Variants in YJU2B observed in about 807,000 individuals in gnomAD.
The protein encoded by YJU2B is YJU2 splicing factor homolog B.
Under a neutral mutation model 38.0 loss-of-function variants are expected in YJU2B, and 18 were observed. The ratio of observed to expected loss-of-function variants is 0.47; its 90% CI spans 0.33 to 0.70. The LOEUF (loss-of-function observed/expected upper bound fraction) is 0.70. Among genes scored for constraint, YJU2B ranks in the 30% least tolerant of loss-of-function variants. YJU2B has a pLI of 0.02. For synonymous variants in YJU2B, 246 were observed against 225.4 expected, an observed-to-expected ratio of 1.09 and a Z score of -0.82; for missense variants, 538 against 556.3, an observed-to-expected ratio of 0.97 and a Z score of 0.33.
intron 2 of YJU2B, among the ~76,000 whole-genome samples, chr19:13,737,422 C>A (rs370227415): frequency 6.6e-6 from 1 of 151,702 alleles, no homozygotes; most frequent in Admixed American, 6.6e-5. Context: ...TCTTCAAGTT[C>A]CTGCTCTTCC....
At chr19:13,745,756 T>C (rs959798873), upstream of YJU2B, among the ~76,000 whole-genome samples, 11 of 146,780 alleles carry the variant, frequency 7.5e-5, no homozygotes, top group Non-Finnish European at 1.5e-4. Flanking sequence ...TATATATATA[T>C]ATCAGGAGGA....
In YJU2B at chr19:13,757,799, T is replaced by C. The variant is rs1973725106; in HGVS notation, c.210T>C (p.Asn70=). 6.2e-7 allele frequency: 1 copy of C among 1,614,042 alleles called. No homozygotes were observed. The highest frequency in any genetic ancestry group is 1.3e-5 in the African/African-American group (1 of 75,012). ...ACCCCCTTCCAGGTGTTCGTTACAA[T>C]GCAGAAAAGAAGAAGGTGGGCAATT... ...KNHIGMGVRY[N]AEKKKVGNYY... is the part of the protein sequence containing the mutation. Residue 70 remains asparagine, a synonymous_variant, in exon 6 of 10, where the codon AAT becomes AAC. Coordinates refer to ENST00000221554, the MANE Select transcript of YJU2B (RefSeq NM_030818.4).
At chr19:13,742,266 C>A (rs1293554003) in intron 2 of YJU2B, among the ~76,000 whole-genome samples, 2 of 149,922 alleles carry the variant, frequency 1.3e-5, no homozygotes, top group Non-Finnish European at 3.0e-5. Context: ...ATTTAACTCA[C>A]AACCATCTGG....
At position 13,762,999 on chromosome 19, in the gene YJU2B, C is replaced by T. The variant is rs770762598; in HGVS notation, c.1122C>T (p.Pro374=). The T allele has an allele frequency of 4.4e-6, 7 of 1,605,452 alleles. No individual in the cohort carries two copies. The highest frequency in any genetic ancestry group is 2.2e-5 in the East Asian group (1 of 44,756). ...CCTCCCAGGAGGCAGCTGACACCCC[C>T]GACACGCGGCACCCCTGCAGTCTCG... The part of the protein sequence containing the change: ...AGSSQEAADT[P]DTRHPCSLGS... The change falls in exon 10 of 10, where the codon CCC becomes CCT. Residue 374 remains proline (P), a synonymous_variant. Coordinates refer to ENST00000221554, the MANE Select transcript of YJU2B (RefSeq NM_030818.4).
chr19:13,755,626 T>G (rs1223694807), intron 3 of YJU2B, among the ~76,000 whole-genome samples: 1 of 151,786 alleles, frequency 6.6e-6, no homozygotes, highest in Non-Finnish European at 1.5e-5. Flanking sequence ...AAACGTGAGG[T>G]CACTCGCCCA....
intron 2 of YJU2B, among the ~76,000 whole-genome samples, chr19:13,752,987 G>A (rs975809935): frequency 2.6e-5 from 4 of 152,022 alleles, no homozygotes; most frequent in Non-Finnish European, 4.4e-5. Context: ...TGTGTTCAAC[G>A]GTACTACATG....
At chr19:13,759,775 C>T (rs1339135557) in intron 8 of YJU2B, 1 of 149,830 alleles carries the variant, frequency 6.7e-6, no homozygotes, top group African/African-American at 2.5e-5. Context: ...TTATAGGTAC[C>T]CACCACCACC....
intron 3 of YJU2B, among the ~76,000 whole-genome samples, 162 bp from the exon 4 acceptor site, chr19:13,756,035 A>C (rs549856347): frequency 6.6e-6 from 1 of 152,316 alleles, no homozygotes; most frequent in South Asian, 2.1e-4. Context: ...TTCCAGTAAG[A>C]CCTGGATGCC....
chr19:13,737,886 G>C (rs8112874), intron 2 of YJU2B, among the ~76,000 whole-genome samples: 45,418 of 151,832 alleles, frequency 0.3, 7,197 homozygotes, highest in Middle Eastern at 0.52. Flanking sequence ...TAATATAAAT[G>C]AGACAGTTTT....
At chr19:13,739,371 T>C (rs1360433381) in intron 2 of YJU2B, among the ~76,000 whole-genome samples, 1 of 152,174 alleles carries the variant, frequency 6.6e-6, no homozygotes. Context: ...CCTAAGTTCA[T>C]TGTCTTACTA....
At chr19:13,743,994 C>T (rs562875082), upstream of YJU2B, among the ~76,000 whole-genome samples, 1 of 152,302 alleles carries the variant, frequency 6.6e-6, no homozygotes, top group South Asian at 2.1e-4. Flanking sequence ...GAGTTCAAGC[C>T]AGCCTGGCCA....
chr19:13,761,553 C>T (rs1326071987), intron 8 of YJU2B: 1 of 152,324 alleles, frequency 6.6e-6, no homozygotes, highest in Non-Finnish European at 1.5e-5. Flanking sequence ...GTGTCCAGAA[C>T]AAAGCCTAGC....
rs760623285 is a variant in YJU2B, at chr19:13,759,082, G to C, written c.401-18G>C. The stretch of plus-strand genomic sequence containing the variant: ...GCGCTGGGGCCCCCAAAGCCCAGCC[G>C]AGCTCTGATCGTTGCAGAGCATGAG... On this transcript the variant is annotated intron_variant, in intron 7 of 9. Transcript: ENST00000221554. The C allele has an allele frequency of 2.0e-5, 32 of 1,613,018 alleles. 1 individual carries two copies. In the South Asian group the frequency reaches 3.2e-4, roughly 16 times the overall value.
At chr19:13,749,781 C>G (rs577523997) in intron 1 of YJU2B, among the ~76,000 whole-genome samples, 4 of 151,950 alleles carry the variant, frequency 2.6e-5, no homozygotes, top group African/African-American at 9.7e-5. Flanking sequence ...TACAGGCACC[C>G]GCCACCACGC....
intron 2 of YJU2B, among the ~76,000 whole-genome samples, chr19:13,738,788 G>T (rs1973019621): frequency 6.6e-6 from 1 of 151,942 alleles, no homozygotes; most frequent in South Asian, 2.1e-4. Flanking sequence ...TACTCGGGAG[G>T]CTGAGGCAGG....
Position 13,762,898 on chromosome 19 carries a change from A to ACTTC in YJU2B, c.1023_1024insTCCT (p.Glu342SerfsTer2). On this transcript the variant is annotated frameshift_variant, in exon 10 of 10. Coordinates refer to ENST00000221554, the MANE Select transcript of YJU2B (RefSeq NM_030818.4). LOFTEE classifies it low-confidence loss of function (END_TRUNC). ...CCCCGGAGACTGTCCTCCGGAAACAACTGAGACCCCCAAGTGCAGCAGCCC... is the reference window on the plus strand; with the variant it reads ...CCCCGGAGACTGTCCTCCGGAAACAACTTCCTGAGACCCCCAAGTGCAGCAGCCC... 1 of 1,611,710 alleles carries ACTTC rather than the reference A, an allele frequency of 6.2e-7. No individual in the cohort carries two copies. The highest frequency in any genetic ancestry group is 1.1e-5 in the South Asian group (1 of 90,936).
upstream of YJU2B, among the ~76,000 whole-genome samples, chr19:13,747,236 T>C (rs1414179401): frequency 6.6e-6 from 1 of 152,184 alleles, no homozygotes; most frequent in African/African-American, 2.4e-5. Flanking sequence ...TTTGAAGCAA[T>C]CAGCAGACAA....
In YJU2B at chr19:13,751,770, G is replaced by A. The variant is rs200292706; in HGVS notation, c.-39G>A. 4.9e-5 allele frequency: 79 copies of A among 1,613,522 alleles called. 1 individual carries two copies. Among genetic ancestry groups the A allele is most frequent in the South Asian group, 2.4e-4 (22 of 91,068 alleles). On this transcript the variant is annotated 5_prime_UTR_variant, in exon 2 of 10. Coordinates refer to ENST00000221554, the MANE Select transcript of YJU2B (RefSeq NM_030818.4). ...GTGTTCACAAGGCCAGTTTCTGATC[G>A]TCCGCCCCGAGGCTGAGGACCAGTA...
At chr19:13,756,619 C>T (rs1330278763) in intron 4 of YJU2B, among the ~76,000 whole-genome samples, 2 of 152,060 alleles carry the variant, frequency 1.3e-5, no homozygotes, top group South Asian at 2.1e-4. Flanking sequence ...GGCTCTGCTC[C>T]GTGTTGTATC....
Sources: allele counts gnomAD v4.1 joint callset (sites outside exome capture counted in the v4.1 genomes callset), GRCh38; gene constraint gnomAD v4.1.1; transcripts MANE v1.5; gene names NCBI Gene and HGNC (gene_info 2026-07-23, HGNC 2026-07-21).